Variants in SNX13 observed in about 807,000 individuals in gnomAD.
The protein encoded by SNX13 is sorting nexin-13.
SNX13 carries 45 observed loss-of-function variants against 133.6 expected under a neutral mutation model. The ratio of observed to expected loss-of-function variants is 0.34; its 90% CI spans 0.27 to 0.43. The LOEUF (loss-of-function observed/expected upper bound fraction) is 0.43, where lower values mean the gene tolerates loss of function less well. SNX13 is among the 20% of genes least tolerant of loss of function. The pLI is 1.00. For missense variants in SNX13, 1,032 were observed against 1,145.1 expected, an observed-to-expected ratio of 0.90 and a Z score of 1.43; for synonymous variants, 414 against 373.9, an observed-to-expected ratio of 1.11 and a Z score of -1.24.
In SNX13 at chr7:17,850,379, C is replaced by G. The variant is rs1390394481; in HGVS notation, c.1033G>C (p.Asp345His). The G allele has an allele frequency of 1.9e-6, 3 of 1,596,780 alleles. No homozygotes were observed. The highest frequency in any genetic ancestry group is 2.3e-5 in the South Asian group (2 of 87,262). Residue 345 changes from aspartate to histidine, a missense_variant, in exon 11 of 26, where the codon GAC becomes CAC. Coordinates refer to ENST00000428135, the MANE Select transcript of SNX13 (RefSeq NM_015132.5). ...NSLLFVKKVCDSRIQRLQSGK... is the reference protein window; with the variant it reads ...NSLLFVKKVCHSRIQRLQSGK... ...GACTGCAATCGCTGTATTCTTGAGTCACATACCTTCTTTACGAATAGTAAG... is the reference window on the plus strand; with the variant it reads ...GACTGCAATCGCTGTATTCTTGAGTGACATACCTTCTTTACGAATAGTAAG...
At chr7:17,840,342 T>C (rs898447764) in intron 12 of SNX13, among the ~76,000 whole-genome samples, 5 of 152,048 alleles carry the variant, frequency 3.3e-5, no homozygotes, top group African/African-American at 1.2e-4. Flanking sequence ...TTTTTAAAAA[T>C]GACTCTTCAA....
At chr7:17,821,314 G>C (rs1787255770) in intron 18 of SNX13, among the ~76,000 whole-genome samples, 195 bp downstream of exon 18, 1 of 152,130 alleles carries the variant, frequency 6.6e-6, no homozygotes. Flanking sequence ...GTCCATGATG[G>C]TTAGGACTGA....
At chr7:17,795,848 T>C (rs141851847) in intron 25 of SNX13, 23 of 151,930 alleles carry the variant, frequency 1.5e-4, no homozygotes, top group African/African-American at 5.3e-4. Context: ...AAAATGTCAT[T>C]TCTATAATTT....
At chr7:17,932,598 T>C (rs1419784071) in intron 1 of SNX13, among the ~76,000 whole-genome samples, 1 of 152,220 alleles carries the variant, frequency 6.6e-6, no homozygotes, top group Non-Finnish European at 1.5e-5. Context: ...GGAGTACACC[T>C]ATGAGGCCCA....
At chr7:17,902,526 G>C (rs1359977068) in intron 1 of SNX13, among the ~76,000 whole-genome samples, 1 of 151,930 alleles carries the variant, frequency 6.6e-6, no homozygotes, top group Non-Finnish European at 1.5e-5. Flanking sequence ...AGATAAATTA[G>C]GAAAAACATT....
intron 9 of SNX13, among the ~76,000 whole-genome samples, chr7:17,857,786 T>C (rs1321180515): frequency 6.6e-6 from 1 of 151,960 alleles, no homozygotes; most frequent in African/African-American, 2.4e-5. Context: ...AAAAAAATAC[T>C]AATAAACTTA....
At chr7:17,813,402 T>C (rs1381912237) in intron 20 of SNX13, among the ~76,000 whole-genome samples, 2 of 152,140 alleles carry the variant, frequency 1.3e-5, no homozygotes, top group African/African-American at 4.8e-5. Flanking sequence ...ACATATATTT[T>C]TCCCCTCCAT....
Position 17,923,909 on chromosome 7 carries a change from T to G in SNX13, c.12+16375A>C, listed in dbSNP as rs114214132. On this transcript the variant is annotated intron_variant, in intron 1 of 25. Transcript: ENST00000428135. ...CTGCCCTCAAATCCTCAATAAAATA[T>G]TCTATAAATATATACACCATCTAGA... is the stretch of plus-strand genomic sequence containing the variant. Among the ~76,000 whole-genome samples the G allele has an allele frequency of 1.0e-2, 1,521 of 152,294 alleles. 31 individuals carry two copies. The highest frequency in any genetic ancestry group is 0.035 in the African/African-American group (1,452 of 41,560).
chr7:17,814,964 A>AG lies in SNX13; in HGVS notation c.1954-21_1954-20insC. The AG allele has an allele frequency of 7.1e-7, 1 of 1,401,774 alleles. No individual in the cohort carries two copies. The allele number at this position is 1,401,774 out of a possible 1,614,324, so 86.8% of individuals were successfully genotyped here. Reference sequence around the variant, plus strand: ...CAGTAACTAACAAGAAAAAAAAAAAAAAGAAGAGATTATCTTAAACTGACA... The same window carrying AG: ...CAGTAACTAACAAGAAAAAAAAAAAAGAAGAAGAGATTATCTTAAACTGACA... On this transcript the variant is annotated intron_variant, in intron 19 of 25. Coordinates refer to ENST00000428135, the MANE Select transcript of SNX13 (RefSeq NM_015132.5).
intron 12 of SNX13, among the ~76,000 whole-genome samples, chr7:17,840,944 T>A (rs1789796450): frequency 6.6e-6 from 1 of 152,022 alleles, no homozygotes; most frequent in Non-Finnish European, 1.5e-5. Context: ...CTTTGGTTAA[T>A]CTCAGTCCAT....
chr7:17,940,162 C>T (rs942173427), intron 1 of SNX13, 122 bp downstream of exon 1: 23 of 1,316,438 alleles, frequency 1.7e-5, no homozygotes, highest in Non-Finnish European at 2.2e-5. Flanking sequence ...CGCTGCTCCT[C>T]GGGCCCTGGA....
chr7:17,862,033 C>T (rs1243006399), intron 9 of SNX13, among the ~76,000 whole-genome samples: 1 of 152,188 alleles, frequency 6.6e-6, no homozygotes, highest in Non-Finnish European at 1.5e-5. Flanking sequence ...CTGCCCCCAA[C>T]AGTTTGAAAT....
Position 17,794,241 on chromosome 7 carries a change from C to A in SNX13, c.2678G>T (p.Arg893Leu). The A allele has an allele frequency of 6.2e-7, 1 of 1,611,512 alleles. No individual in the cohort carries two copies. The highest frequency in any genetic ancestry group is 8.5e-7 in the Non-Finnish European group (1 of 1,178,404). ...GTTGTGCTGAAACATTTCAAAAACACGAAGAATACCTTTCCGTGTTGTCTC... is the reference window on the plus strand; with the variant it reads ...GTTGTGCTGAAACATTTCAAAAACAAGAAGAATACCTTTCCGTGTTGTCTC... ...GAETTRKGIL[R>L]VFEMFQHNQL... The change falls in exon 26 of 26, where the codon CGT (arginine) becomes CTT (leucine). Residue 893 changes from arginine (R) to leucine (L), a missense_variant. Coordinates refer to ENST00000428135, the MANE Select transcript of SNX13 (RefSeq NM_015132.5).
intron 21 of SNX13, among the ~76,000 whole-genome samples, chr7:17,802,687 T>C (rs1784763727): frequency 6.6e-6 from 1 of 152,046 alleles, no homozygotes; most frequent in South Asian, 2.1e-4. Context: ...ATTTTAGGAG[T>C]GGCCCTTACA....
At chr7:17,805,254 TGCGCGCGC>T (rs56000068) in intron 20 of SNX13, among the ~76,000 whole-genome samples, 2 of 132,440 alleles carry the variant, frequency 1.5e-5, no homozygotes, top group Non-Finnish European at 3.3e-5. Context: ...TGTGTGTGCG[TGCGCGCGC>T]GCGCATGCAT....
At chr7:17,858,450 A>C (rs1202574013) in intron 9 of SNX13, among the ~76,000 whole-genome samples, 1 of 152,072 alleles carries the variant, frequency 6.6e-6, no homozygotes, top group Non-Finnish European at 1.5e-5. Flanking sequence ...TGAAAGATAC[A>C]TAAACACTAA....
Position 17,883,284 on chromosome 7 carries a change from G to A in SNX13, c.440+7079C>T, listed in dbSNP as rs563572838. ...ACATAAAGTATAGTCATCATTTCAG[G>A]AGTACAAAAAACAAGACGTGAACAC... On this transcript the variant is annotated intron_variant, in intron 5 of 25. Coordinates refer to ENST00000428135, the MANE Select transcript of SNX13 (RefSeq NM_015132.5). Among the ~76,000 whole-genome samples the A allele has an allele frequency of 9.2e-5, 14 of 152,194 alleles. 1 individual carries two copies. The South Asian group carries it at 2.5e-3, about 27-fold the overall frequency.
chr7:17,938,677 G>A (rs896610307), intron 1 of SNX13, among the ~76,000 whole-genome samples: 51 of 152,284 alleles, frequency 3.3e-4, no homozygotes, highest in Admixed American at 2.6e-3. Context: ...CAGAAGCTGA[G>A]AAAGCTCCAT....
In SNX13 at chr7:17,928,657, C is replaced by T. The variant is rs536065429; in HGVS notation, c.12+11627G>A. ...TGAGAAAAAAACAGAACAAACTAAC[C>T]CGCCACTAACATCTTAAAATCCTTG... On this transcript the variant is annotated intron_variant, in intron 1 of 25. Coordinates refer to ENST00000428135, the MANE Select transcript of SNX13 (RefSeq NM_015132.5). 2.0e-5 allele frequency among the ~76,000 whole-genome samples: 3 copies of T among 152,162 alleles called. No homozygotes were observed. In the East Asian group the frequency reaches 5.8e-4, roughly 29 times the overall value.
Sources: gnomAD v4.1 joint callset for allele counts (sites outside exome capture counted in the v4.1 genomes callset) on GRCh38, gnomAD v4.1.1 for gene constraint, MANE v1.5 for transcripts, NCBI Gene and HGNC (gene_info 2026-07-23, HGNC 2026-07-21) for gene names.